The following NCKAP5 variants were observed in gnomAD, a reference collection of about 807,000 sequenced individuals.
The protein encoded by NCKAP5 is NCK associated protein 5, also known as nck-associated protein 5.
In NCKAP5, 92 loss-of-function variants were observed where a neutral mutation model predicts 167.0. That is an observed-to-expected ratio of 0.55 (90% CI 0.47 to 0.66). The LOEUF (loss-of-function observed/expected upper bound fraction) is 0.66, where lower values mean the gene tolerates loss of function less well. Ranked by LOEUF, NCKAP5 falls within the 30% of genes least tolerant of loss-of-function variation. The pLI is 0.00. For missense variants in NCKAP5, 2,378 were observed against 2,315.0 expected (o/e 1.03, Z -0.56); for synonymous variants, 891 against 877.4 (o/e 1.02, Z -0.27).
At chr2:132,876,792 T>A (rs1419006417) in intron 9 of NCKAP5, among the ~76,000 whole-genome samples, 1 of 152,226 alleles carries the variant, frequency 6.6e-6, no homozygotes, top group Non-Finnish European at 1.5e-5. Flanking sequence ...AAACTTTATA[T>A]GAAATGATTT....
chr2:132,845,600 T>G (rs1200944104), intron 11 of NCKAP5, among the ~76,000 whole-genome samples: 1 of 152,164 alleles, frequency 6.6e-6, no homozygotes, highest in Non-Finnish European at 1.5e-5. Flanking sequence ...AAAATGGGCC[T>G]TTTAGACTTC....
intron 5 of NCKAP5, among the ~76,000 whole-genome samples, chr2:133,182,954 A>G (rs1245379162): frequency 6.6e-6 from 1 of 152,208 alleles, no homozygotes; most frequent in Non-Finnish European, 1.5e-5. Flanking sequence ...AGATATCAAA[A>G]GGATAGTAAG....
At chr2:133,595,882 T>C in the NCKAP5 span, among the ~76,000 whole-genome samples, 1 of 152,220 alleles carries the variant, frequency 6.6e-6, no homozygotes, top group Non-Finnish European at 1.5e-5. Flanking sequence ...CATAAAATAC[T>C]GTCCTTTTAC....
At chr2:133,182,476 A>AATAT (rs2084780604) in intron 5 of NCKAP5, among the ~76,000 whole-genome samples, 1 of 152,184 alleles carries the variant, frequency 6.6e-6, no homozygotes, top group Non-Finnish European at 1.5e-5. Context: ...AAAATAAGAG[A>AATAT]CCAGTAAAAT....
chr2:132,877,453 G>A (rs1401847881), intron 9 of NCKAP5, among the ~76,000 whole-genome samples: 2 of 152,160 alleles, frequency 1.3e-5, no homozygotes, highest in Admixed American at 6.5e-5. Flanking sequence ...TATCAAGTGC[G>A]CCAGCATCAT....
intron 5 of NCKAP5, among the ~76,000 whole-genome samples, chr2:133,206,233 T>G (rs1274791050): frequency 6.6e-6 from 1 of 152,196 alleles, no homozygotes; most frequent in Non-Finnish European, 1.5e-5. Context: ...AAAAAAATTA[T>G]AAACTAATAT....
intron 4 of NCKAP5, among the ~76,000 whole-genome samples, chr2:133,241,763 C>G (rs1049808752): frequency 6.6e-6 from 1 of 152,152 alleles, no homozygotes; most frequent in Admixed American, 6.5e-5. Context: ...CCAGGCTTGT[C>G]TCTCAGATAT....
At chr2:133,662,319 C>A in the NCKAP5 span, among the ~76,000 whole-genome samples, 1 of 151,964 alleles carries the variant, frequency 6.6e-6, no homozygotes, top group Non-Finnish European at 1.5e-5. Context: ...GTTTGCCCAA[C>A]TCTGTGGGTT....
At chr2:133,173,493 T>G (rs1200674820) in intron 5 of NCKAP5, among the ~76,000 whole-genome samples, 1 of 152,176 alleles carries the variant, frequency 6.6e-6, no homozygotes, top group Admixed American at 6.5e-5. Flanking sequence ...CCAAATCTGA[T>G]CATCCTCCAC....
chr2:132,962,239 G>A (rs977961926), intron 8 of NCKAP5, among the ~76,000 whole-genome samples: 3 of 152,152 alleles, frequency 2.0e-5, no homozygotes, highest in African/African-American at 7.2e-5. Flanking sequence ...TGGTGTGGAT[G>A]AATGAAAGAG....
intron 6 of NCKAP5, among the ~76,000 whole-genome samples, chr2:133,055,904 T>C (rs2079781967): frequency 1.3e-5 from 2 of 152,196 alleles, no homozygotes; most frequent in Non-Finnish European, 1.5e-5. Flanking sequence ...TAGAGGGTGT[T>C]TATTTTATCA....
chr2:132,768,757 A>G (rs1681751439), intron 16 of NCKAP5, among the ~76,000 whole-genome samples: 1 of 148,106 alleles, frequency 6.8e-6, no homozygotes, highest in South Asian at 2.1e-4. Context: ...CTCCTGCCTC[A>G]GCCTCCCGAG....
intron 8 of NCKAP5, among the ~76,000 whole-genome samples, chr2:132,933,350 C>A (rs922318237): frequency 6.6e-6 from 1 of 152,160 alleles, no homozygotes; most frequent in Non-Finnish European, 1.5e-5. Flanking sequence ...GGTAGAGGAA[C>A]TGGGTCTCAT....
At chr2:132,898,975 T>C (rs1166883895) in intron 8 of NCKAP5, among the ~76,000 whole-genome samples, 1 of 152,238 alleles carries the variant, frequency 6.6e-6, no homozygotes, top group Non-Finnish European at 1.5e-5. Flanking sequence ...AGAGTCAGCC[T>C]GTCCTTTAAA....
chr2:133,041,387 G>T (rs528904179), intron 6 of NCKAP5, among the ~76,000 whole-genome samples: 1 of 152,102 alleles, frequency 6.6e-6, no homozygotes, highest in Admixed American at 6.6e-5. Flanking sequence ...GAATTCTGAT[G>T]ATGTTAATGT....
chr2:132,998,565 G>A (rs1027972462), intron 6 of NCKAP5, among the ~76,000 whole-genome samples: 1 of 152,058 alleles, frequency 6.6e-6, no homozygotes, highest in Admixed American at 6.6e-5. Flanking sequence ...TTATAAACCT[G>A]ATAAGAATAT....
intron 2 of NCKAP5, among the ~76,000 whole-genome samples, chr2:133,552,893 T>C (rs146886551): frequency 1.9e-3 from 296 of 152,314 alleles, no homozygotes; most frequent in Non-Finnish European, 3.4e-3. Context: ...TTCTGAACAC[T>C]GTTGCTATAT....
At chr2:133,075,094 A>C (rs2080554350) in intron 6 of NCKAP5, among the ~76,000 whole-genome samples, 1 of 152,208 alleles carries the variant, frequency 6.6e-6, no homozygotes, top group Non-Finnish European at 1.5e-5. Context: ...AGACACAGGA[A>C]AAAAATTGAA....
chr2:132,854,205 G>A (rs371357496), intron 11 of NCKAP5, among the ~76,000 whole-genome samples: 2 of 152,156 alleles, frequency 1.3e-5, no homozygotes, highest in Non-Finnish European at 2.9e-5. Flanking sequence ...TACACCTTAC[G>A]TGATAATGCT....
Sources: gnomAD v4.1 joint callset for allele counts (sites outside exome capture counted in the v4.1 genomes callset) on GRCh38, gnomAD v4.1.1 for gene constraint, MANE v1.5 for transcripts, NCBI Gene and HGNC (gene_info 2026-07-23, HGNC 2026-07-21) for gene names.